Variants in EPS8L2 observed in about 807,000 individuals in gnomAD.
EPS8L2 encodes EPS8 signaling adaptor L2.
A neutral mutation model predicts 99.4 loss-of-function variants in EPS8L2; 81 were observed. That is an observed-to-expected ratio of 0.82 (90% CI 0.68 to 0.98). EPS8L2 has a LOEUF of 0.98. EPS8L2 is among the 50% of genes least tolerant of loss of function. The pLI, the probability that EPS8L2 is intolerant of heterozygous loss-of-function variation, is 0.00. For synonymous variants in EPS8L2, 509 were observed against 407.3 expected (o/e 1.25, Z -3.01); for missense variants, 1,155 against 968.8 (o/e 1.19, Z -2.55).
At position 716,911 on chromosome 11, in the gene EPS8L2, T is replaced by A. The variant is rs542426389; in HGVS notation, c.166-3151T>A. Among the ~76,000 whole-genome samples the A allele has an allele frequency of 2.0e-5, 3 of 152,374 alleles. No homozygotes were observed. The South Asian group carries it at 6.2e-4, about 32-fold the overall frequency. ...TGGTTGTATTGTGTGTTTCAGGTTTTACTCTGCCTCTCGCAGAGAGATGAG... is the reference window on the plus strand; with the variant it reads ...TGGTTGTATTGTGTGTTTCAGGTTTAACTCTGCCTCTCGCAGAGAGATGAG... On this transcript the variant is annotated intron_variant, in intron 4 of 20. Coordinates refer to ENST00000318562, the MANE Select transcript of EPS8L2 (RefSeq NM_022772.4).
chr11:724,958 C>T lies in EPS8L2; in HGVS notation c.1560+129C>T. 1.4e-6 allele frequency: 1 copy of T among 695,694 alleles called. No individual in the cohort carries two copies. Among genetic ancestry groups the T allele is most frequent in the Non-Finnish European group, 2.5e-6 (1 of 397,136 alleles). 43.1% of individuals were successfully genotyped at this position (695,694 alleles called of 1,614,324 possible). ...TGCCAGGACGGGGCACAGCTGCTGGCCCCTTTCTCCAGGGTCCCCGCCCTT... is the reference window on the plus strand; with the variant it reads ...TGCCAGGACGGGGCACAGCTGCTGGTCCCTTTCTCCAGGGTCCCCGCCCTT... On this transcript the variant is annotated intron_variant, in intron 16 of 20. Transcript: ENST00000318562. This position sits in a 1 kb window ranked among gnomAD's most constrained non-coding sequence, Gnocchi z 5.5.
chr11:711,819 A>G (rs74513202), intron 4 of EPS8L2, among the ~76,000 whole-genome samples: 6,086 of 151,770 alleles, frequency 0.04, 420 homozygotes, highest in African/African-American at 0.14. Context: ...CCTCATGTCT[A>G]CTGAAAATAC....
At position 726,088 on chromosome 11, in the gene EPS8L2, G is replaced by A; in HGVS notation, c.1681-10G>A. On this transcript the variant is annotated splice_polypyrimidine_tract_variant and intron_variant, in intron 17 of 20. Transcript: ENST00000318562. Reference sequence around the variant, plus strand: ...GGCGTGGGGAGCCTAATCGCCCCCCGCCCCCGCAGGCCGGTCAGAAGTACT... The same window carrying A: ...GGCGTGGGGAGCCTAATCGCCCCCCACCCCCGCAGGCCGGTCAGAAGTACT... 12 of 1,536,596 alleles carry A rather than the reference G, an allele frequency of 7.8e-6. No individual in the cohort carries two copies. The highest frequency in any genetic ancestry group is 1.1e-5 in the Non-Finnish European group (12 of 1,127,870).
intron 4 of EPS8L2, among the ~76,000 whole-genome samples, chr11:713,772 C>T (rs929032894): frequency 6.6e-6 from 1 of 152,240 alleles, no homozygotes; most frequent in Non-Finnish European, 1.5e-5. Context: ...TCTTGAACTC[C>T]TGACCTCAAT....
In EPS8L2 at chr11:720,450, G is replaced by C. The variant is rs532926976; in HGVS notation, c.328-147G>C. 4.2e-5 allele frequency: 56 copies of C among 1,327,340 alleles called. No individual in the cohort carries two copies. The African/African-American group carries it at 6.8e-4, about 16-fold the overall frequency. 82.2% of individuals were successfully genotyped at this position (1,327,340 alleles called of 1,614,324 possible). A position where few individuals can be genotyped will look rare whatever the true frequency, so the allele number is the denominator to read the frequency against. On this transcript the variant is annotated intron_variant, in intron 5 of 20. Transcript: ENST00000318562. ...GCCTTGCGGTACAGCTGCGGGGTGT[G>C]TCCCGGGCCTAGTCCTCATCTTTGG...
intron 4 of EPS8L2, among the ~76,000 whole-genome samples, chr11:715,220 A>G (rs28852668): frequency 0.71 from 107,250 of 151,068 alleles, 39,091 homozygotes; most frequent in African/African-American, 0.87. Flanking sequence ...CCAGCCTGGG[A>G]GACAGAGTGA....
In EPS8L2 at chr11:722,082, C is replaced by T. The variant is rs1447813287; in HGVS notation, c.985-9C>T. On this transcript the variant is annotated splice_polypyrimidine_tract_variant and intron_variant, in intron 11 of 20. Transcript: ENST00000318562. ...GCCCCGGCACCTGCTCACTTGTTCCCACCCCCAGGCAAAGCTGCAGAAGCA... is the reference window on the plus strand; with the variant it reads ...GCCCCGGCACCTGCTCACTTGTTCCTACCCCCAGGCAAAGCTGCAGAAGCA... The T allele has an allele frequency of 1.9e-6, 3 of 1,612,842 alleles. No individual in the cohort carries two copies. Among genetic ancestry groups the T allele is most frequent in the African/African-American group, 2.7e-5 (2 of 74,914 alleles).
chr11:722,455 C>G lies in EPS8L2; in HGVS notation c.1114C>G (p.Leu372Val), dbSNP rs11555484. 1.9e-6 allele frequency: 3 copies of G among 1,613,412 alleles called. No individual in the cohort carries two copies. The African/African-American group carries it at 4.0e-5, about 22-fold the overall frequency. ...DIARSVSCPL[L>V]SRDAVDFLRG... ...CGCACGCTCCGTCTCCTGCCCACTG[C>G]TCTCCCGAGATGCCGTGGACTTCCT... The change falls in exon 13 of 21, where the codon CTC (leucine) becomes GTC (valine). Residue 372 changes from leucine (L) to valine (V), a missense_variant. Physicochemically the swap from Leu to Val is conservative, Grantham distance 32 (BLOSUM62 1). Coordinates refer to ENST00000318562, the MANE Select transcript of EPS8L2 (RefSeq NM_022772.4).
Position 720,482 on chromosome 11 carries a change from A to AT in EPS8L2, c.328-113dup, listed in dbSNP as rs2133523391. The AT allele has an allele frequency of 2.7e-6, 4 of 1,491,422 alleles. No homozygotes were observed. In the South Asian group the frequency reaches 4.8e-5, roughly 18 times the overall value. The allele number at this position is 1,491,422 out of a possible 1,614,324, so 92.4% of individuals were successfully genotyped here. On this transcript the variant is annotated intron_variant, in intron 5 of 20. Coordinates refer to ENST00000318562, the MANE Select transcript of EPS8L2 (RefSeq NM_022772.4). ...GCCTAGTCCTCATCTTTGGGAGCCC[A>AT]TTCCCCAGCGGCGCCAGAGGGGCCT...
Position 725,719 on chromosome 11 carries a change from G to A in EPS8L2, c.1561-9G>A. On this transcript the variant is annotated splice_polypyrimidine_tract_variant and intron_variant, in intron 16 of 20. Coordinates refer to ENST00000318562, the MANE Select transcript of EPS8L2 (RefSeq NM_022772.4). ...GGGTGTGGGGAGGGGCTGACGGCGC[G>A]CCCCGCAGGTGCTGGAGGACGGCCG... 1 of 1,314,122 alleles carries A rather than the reference G, an allele frequency of 7.6e-7. No homozygotes were observed. The highest frequency in any genetic ancestry group is 9.7e-7 in the Non-Finnish European group (1 of 1,033,386). The allele number at this position is 1,314,122 out of a possible 1,614,324, so 81.4% of individuals were successfully genotyped here. A position where few individuals can be genotyped will look rare whatever the true frequency, so the allele number is the denominator to read the frequency against.
chr11:716,294 G>A (rs543615815), intron 4 of EPS8L2, among the ~76,000 whole-genome samples: 120 of 151,648 alleles, frequency 7.9e-4, no homozygotes, highest in Non-Finnish European at 1.5e-3. Flanking sequence ...GACTACAGGC[G>A]CCCGCCACCC....
At chr11:720,289 A>G in intron 5 of EPS8L2, 66 bp downstream of exon 5, 1 of 1,549,156 alleles carries the variant, frequency 6.5e-7, no homozygotes, top group Non-Finnish European at 8.8e-7. Context: ...CACCGGCTGC[A>G]GCCCGGATGT....
chr11:722,580 C>A lies in EPS8L2; in HGVS notation c.1208+31C>A, dbSNP rs374121798. On this transcript the variant is annotated intron_variant, in intron 13 of 20. Transcript: ENST00000318562. ...GCAGGGCAGAGCAGTGCCGGGGCTT[C>A]ATGGGGGGCCAGCGCTGCATGGGGG... is the stretch of plus-strand genomic sequence containing the variant. The A allele has an allele frequency of 1.1e-5, 18 of 1,611,466 alleles. No homozygotes were observed. The African/African-American group carries it at 2.3e-4, about 20-fold the overall frequency.
intron 1 of EPS8L2, 29 bp from the exon 2 acceptor site, chr11:709,301 G>A: frequency 2.3e-6 from 3 of 1,323,202 alleles, no homozygotes; most frequent in Non-Finnish European, 2.1e-6. Context: ...GCCGGAGGAA[G>A]TGTCAGCGCA....
In EPS8L2 at chr11:723,349, C is replaced by G; in HGVS notation, c.1450C>G (p.His484Asp). Residue 484 changes from histidine (H) to aspartate (D), a missense_variant, in exon 15 of 21, where the codon CAC becomes GAC. His to Asp is a moderately conservative substitution (Grantham distance 81, BLOSUM62 -1). Transcript: ENST00000318562. The stretch of plus-strand genomic sequence containing the variant: ...ACCACCAGTCAGCTCCCCACATACT[C>G]ACAGGTAAGCCCCCCTCAAAGTGAG... Reference protein sequence around the residue: ...ALPPVSSPHTHRGYQPTPAMA... With the variant: ...ALPPVSSPHTDRGYQPTPAMA... The G allele has an allele frequency of 6.8e-7, 1 of 1,463,166 alleles. No individual in the cohort carries two copies. Among genetic ancestry groups the G allele is most frequent in the Non-Finnish European group, 9.4e-7 (1 of 1,067,320 alleles). The allele number at this position is 1,463,166 out of a possible 1,614,324, so 90.6% of individuals were successfully genotyped here.
rs760424393 is a variant in EPS8L2, at chr11:725,781, G to A, written c.1614G>A (p.Ala538=). The A allele has an allele frequency of 2.2e-6, 3 of 1,364,916 alleles. No homozygotes were observed. Among genetic ancestry groups the A allele is most frequent in the Admixed American group, 3.3e-5 (1 of 30,088 alleles). The allele number at this position is 1,364,916 out of a possible 1,614,324, so 84.6% of individuals were successfully genotyped here. A position where few individuals can be genotyped will look rare whatever the true frequency, so the allele number is the denominator to read the frequency against. ...WWKLRSRSGQ[A]GYVPCNILGE... ...AGCTGCGCAGCCGCAGCGGCCAGGC[G>A]GGGTACGTGCCCTGCAACATCCTAG... is the stretch of plus-strand genomic sequence containing the variant. Residue 538 remains alanine, a synonymous_variant, in exon 17 of 21, where the codon GCG becomes GCA. Transcript: ENST00000318562.
chr11:726,166 A>C lies in EPS8L2; in HGVS notation c.1749A>C (p.Lys583Asn), dbSNP rs2133541269. ...TACCCCCAAGCTTCCCGGGGAACAA[A>C]GACGGTGAGAGCTGCTGCTTCGAGG... Reference protein sequence around the residue: ...HKLPPSFPGNKDELMQHMDEV... With the variant: ...HKLPPSFPGNNDELMQHMDEV... Residue 583 changes from lysine (K) to asparagine (N), a missense_variant, in exon 18 of 21, where the codon AAA (lysine) becomes AAC (asparagine). By Grantham distance (94) the Lys-to-Asn change is moderately conservative. Coordinates refer to ENST00000318562, the MANE Select transcript of EPS8L2 (RefSeq NM_022772.4). 4 of 1,607,150 alleles carry C rather than the reference A, an allele frequency of 2.5e-6. No individual in the cohort carries two copies. The highest frequency in any genetic ancestry group is 3.4e-6 in the Non-Finnish European group (4 of 1,177,384).
At chr11:714,026 C>T (rs560145379) in intron 4 of EPS8L2, among the ~76,000 whole-genome samples, 15 of 152,228 alleles carry the variant, frequency 9.9e-5, no homozygotes, top group African/African-American at 3.1e-4. Context: ...TCACTGCGTC[C>T]GGCCTCCATC....
In EPS8L2 at chr11:711,273, T is replaced by C. The variant is rs1447717235; in HGVS notation, c.165+787T>C. On this transcript the variant is annotated intron_variant, in intron 4 of 20. Transcript: ENST00000318562. Reference sequence around the variant, plus strand: ...GTGTGCGTGTGTGCGTGCGTGCGTGTGTGTGTGTGTGTGTGTGTCTTTTTT... The same window carrying C: ...GTGTGCGTGTGTGCGTGCGTGCGTGCGTGTGTGTGTGTGTGTGTCTTTTTT... 6.7e-5 allele frequency among the ~76,000 whole-genome samples: 10 copies of C among 150,084 alleles called. No individual in the cohort carries two copies. In the South Asian group the frequency reaches 8.4e-4, roughly 13 times the overall value.
Sources: gnomAD v4.1 joint callset for allele counts (sites outside exome capture counted in the v4.1 genomes callset) on GRCh38, gnomAD v4.1.1 for gene constraint, Gnocchi (gnomAD v3.1) non-coding constraint, MANE v1.5 for transcripts, NCBI Gene and HGNC (gene_info 2026-07-23, HGNC 2026-07-21) for gene names.